The following HEATR4 variants were observed in gnomAD, a reference collection of about 807,000 sequenced individuals.
HEATR4 encodes HEAT repeat containing 4.
Under a neutral mutation model 108.8 loss-of-function variants are expected in HEATR4, and 95 were observed. The ratio of observed to expected loss-of-function variants is 0.87; its 90% CI spans 0.74 to 1.04. HEATR4 has a LOEUF of 1.04. Among genes scored for constraint, HEATR4 ranks in the 50% least tolerant of loss-of-function variants. The pLI, the probability that HEATR4 is intolerant of heterozygous loss-of-function variation, is 0.00. For synonymous variants in HEATR4, 443 were observed against 459.4 expected (o/e 0.96, Z 0.46); for missense variants, 1,152 against 1,253.8 (o/e 0.92, Z 1.23).
At chr14:73,586,051 C>G in the HEATR4 span, among the ~76,000 whole-genome samples, 1 of 150,116 alleles carries the variant, frequency 6.7e-6, no homozygotes, top group Non-Finnish European at 1.5e-5. Flanking sequence ...ACTGCCAAAC[C>G]AGTATGATTT....
At chr14:73,569,576 G>A in the HEATR4 span, 1 of 1,599,582 alleles carries the variant, frequency 6.3e-7, no homozygotes, top group Admixed American at 1.7e-5. Flanking sequence ...AGGCCCACGC[G>A]CGCTACCGCG....
chr14:73,497,582 T>C (rs141701774), intron 14 of HEATR4, among the ~76,000 whole-genome samples: 1 of 152,296 alleles, frequency 6.6e-6, no homozygotes, highest in Non-Finnish European at 1.5e-5. Flanking sequence ...GTTGTCCCAA[T>C]AGGCATTTGA....
At chr14:73,578,530 A>G in the HEATR4 span, among the ~76,000 whole-genome samples, 1 of 152,080 alleles carries the variant, frequency 6.6e-6, no homozygotes, top group African/African-American at 2.4e-5. Context: ...GGCCCAGCCT[A>G]GTTAGTCTTT....
chr14:73,616,737 G>A, the HEATR4 span: 1 of 327,840 alleles, frequency 3.1e-6, no homozygotes, highest in East Asian at 4.8e-5. Context: ...GTGTACAGGT[G>A]GTTTGGGGTT....
intron 5 of HEATR4, among the ~76,000 whole-genome samples, chr14:73,516,376 C>T (rs1327420166): frequency 1.0e-5 from 1 of 98,290 alleles, no homozygotes; most frequent in African/African-American, 5.2e-5. Context: ...TGACGCTCCC[C>T]GACTTCTCTC....
At chr14:73,617,318 G>A in the HEATR4 span, 1 of 1,322,424 alleles carries the variant, frequency 7.6e-7, no homozygotes, top group Non-Finnish European at 1.1e-6. Flanking sequence ...CTCCTTCAAA[G>A]GTTACTAGGG....
intron 1 of HEATR4, chr14:73,541,719 G>A: frequency 1.6e-6 from 2 of 1,225,692 alleles, no homozygotes; most frequent in Admixed American, 4.8e-5. Context: ...TCAGATTTAT[G>A]GGCTATGATG....
chr14:73,623,211 T>G, the HEATR4 span, among the ~76,000 whole-genome samples: 10 of 152,238 alleles, frequency 6.6e-5, no homozygotes, highest in East Asian at 1.4e-3. Context: ...ACGCCTGGCC[T>G]TATAGTGGTT....
At chr14:73,599,125 C>T in the HEATR4 span, among the ~76,000 whole-genome samples, 24 of 152,080 alleles carry the variant, frequency 1.6e-4, no homozygotes, top group African/African-American at 4.8e-4. Context: ...CTGTGGTCAG[C>T]GTCTCAGTTA....
chr14:73,533,170 A>T (rs1888760966), intron 1 of HEATR4, among the ~76,000 whole-genome samples: 1 of 112,844 alleles, frequency 8.9e-6, no homozygotes, highest in South Asian at 2.8e-4. Flanking sequence ...CAAAAAATTA[A>T]ATATAGAATT....
chr14:73,559,779 A>G (rs528742782), upstream of HEATR4, among the ~76,000 whole-genome samples: 20 of 152,196 alleles, frequency 1.3e-4, no homozygotes, highest in African/African-American at 3.9e-4. Flanking sequence ...AGATATATGC[A>G]GCTCCATATT....
At chr14:73,525,637 C>T (rs1001519909) in intron 2 of HEATR4, among the ~76,000 whole-genome samples, 6 of 152,146 alleles carry the variant, frequency 3.9e-5, no homozygotes, top group Non-Finnish European at 1.5e-5. Flanking sequence ...GAACACCAAA[C>T]TGAACAACTG....
chr14:73,610,908 T>G, the HEATR4 span: 1 of 152,020 alleles, frequency 6.6e-6, no homozygotes, highest in Non-Finnish European at 1.5e-5. Flanking sequence ...GACCCCAGAG[T>G]ACAAAACTCA....
intron 17 of HEATR4, among the ~76,000 whole-genome samples, chr14:73,490,004 C>A (rs1566818345): frequency 6.6e-6 from 1 of 152,200 alleles, no homozygotes; most frequent in Non-Finnish European, 1.5e-5. Context: ...TGGGAACCTG[C>A]CGGTGGAACA....
chr14:73,615,430 A>G, the HEATR4 span, among the ~76,000 whole-genome samples: 2 of 146,000 alleles, frequency 1.4e-5, no homozygotes, highest in African/African-American at 5.2e-5. Context: ...AAAACCAGCA[A>G]CAACGAAAAA....
At chr14:73,536,659 G>A (rs1888873401) in intron 1 of HEATR4, among the ~76,000 whole-genome samples, 1 of 113,668 alleles carries the variant, frequency 8.8e-6, no homozygotes, top group Non-Finnish European at 1.9e-5. Flanking sequence ...TTGGGAGGCC[G>A]AGGCGGGCGG....
the HEATR4 span, chr14:73,569,668 T>C: frequency 1.5e-5 from 24 of 1,608,196 alleles, no homozygotes; most frequent in African/African-American, 2.4e-4. Flanking sequence ...ATGGGGCTGC[T>C]CTGGGCCTTG....
chr14:73,628,818 G>A, the HEATR4 span, among the ~76,000 whole-genome samples: 14 of 151,844 alleles, frequency 9.2e-5, no homozygotes, highest in African/African-American at 2.7e-4. Context: ...TTGGGAAGCC[G>A]AGGCTGGTGG....
chr14:73,562,730 C>G (rs1353127561), upstream of HEATR4, among the ~76,000 whole-genome samples: 2 of 151,940 alleles, frequency 1.3e-5, no homozygotes, highest in Non-Finnish European at 2.9e-5. Context: ...TGAGATACGC[C>G]CTGGTCTCCT....
Sources: allele counts gnomAD v4.1 joint callset (sites outside exome capture counted in the v4.1 genomes callset), GRCh38; gene constraint gnomAD v4.1.1; transcripts MANE v1.5; gene names NCBI Gene and HGNC (gene_info 2026-07-23, HGNC 2026-07-21).